TTLL11: variants seen among roughly 807,000 people sequenced by gnomAD.
TTLL11 encodes the protein tubulin tyrosine ligase like 11, also known as tubulin polyglutamylase TTLL11.
A neutral mutation model predicts 51.7 loss-of-function variants in TTLL11; 42 were observed. That is an observed-to-expected ratio of 0.81 (90% confidence interval 0.64 to 1.05). The LOEUF (loss-of-function observed/expected upper bound fraction) is 1.05. TTLL11 is among the 50% of genes least tolerant of loss of function. The probability of loss-of-function intolerance (pLI) is 0.00; values close to 1 mark genes in which losing one functional copy is unlikely to be tolerated. For synonymous variants in TTLL11, 381 were observed against 383.5 expected, an observed-to-expected ratio of 0.99 and a Z score of 0.08; for missense variants, 799 against 940.4, an observed-to-expected ratio of 0.85 and a Z score of 1.97.
chr9:121,974,143 CTG>C lies in TTLL11; in HGVS notation c.1366-21_1366-20del, dbSNP rs2131658412. On this transcript the variant is annotated intron_variant, in intron 5 of 8. Coordinates refer to ENST00000321582, the MANE Select transcript of TTLL11 (RefSeq NM_001139442.2). Reference sequence around the variant, plus strand: ...GAGAAAGCTTGAACGGGTAAGGATTCTGTGTCACAGTGGAGACCGTGATTCCG... The same window carrying C: ...GAGAAAGCTTGAACGGGTAAGGATTCTGTCACAGTGGAGACCGTGATTCCG... 7.8e-6 allele frequency: 12 copies of C among 1,538,134 alleles called. No individual in the cohort carries two copies. Among genetic ancestry groups the C allele is most frequent in the Non-Finnish European group, 1.1e-5 (12 of 1,135,684 alleles).
intron 8 of TTLL11, among the ~76,000 whole-genome samples, chr9:121,831,551 T>G (rs539314485): frequency 6.6e-6 from 1 of 151,978 alleles, no homozygotes; most frequent in South Asian, 2.1e-4. Context: ...ATACAAAAAA[T>G]TAGCCAGACA....
At chr9:121,997,423 C>T (rs573881864) in intron 3 of TTLL11, among the ~76,000 whole-genome samples, 2 of 152,236 alleles carry the variant, frequency 1.3e-5, no homozygotes, top group South Asian at 4.1e-4. Flanking sequence ...ATTCCCCTAC[C>T]ATGTGGGTTC....
intron 4 of TTLL11, among the ~76,000 whole-genome samples, chr9:121,976,320 G>A (rs1167600338): frequency 6.6e-6 from 1 of 152,180 alleles, no homozygotes; most frequent in Non-Finnish European, 1.5e-5. Context: ...AGCCACTCAT[G>A]AGCATCTCGT....
chr9:121,952,161 C>T (rs1841869871), intron 6 of TTLL11, among the ~76,000 whole-genome samples: 1 of 152,128 alleles, frequency 6.6e-6, no homozygotes, highest in African/African-American at 2.4e-5. Flanking sequence ...AAGTGGAGGA[C>T]TAGGGCCGGG....
At chr9:122,019,104 A>C (rs1031585524) in intron 3 of TTLL11, among the ~76,000 whole-genome samples, 1 of 152,182 alleles carries the variant, frequency 6.6e-6, no homozygotes, top group African/African-American at 2.4e-5. Context: ...CAATTCTATC[A>C]GTCTCCAAAT....
chr9:122,001,240 C>G (rs1300460139), intron 3 of TTLL11, among the ~76,000 whole-genome samples: 2 of 152,066 alleles, frequency 1.3e-5, no homozygotes, highest in Non-Finnish European at 2.9e-5. Flanking sequence ...GGATTACAGG[C>G]GTGCACCAAC....
In TTLL11 at chr9:121,820,538, C is replaced by T. The variant is rs115517825; in HGVS notation, c.*2049G>A. Among the ~76,000 whole-genome samples the T allele has an allele frequency of 0.015, 2,216 of 152,276 alleles. 39 individuals are homozygous for T. The highest frequency in any genetic ancestry group is 0.048 in the African/African-American group (1,990 of 41,548). On this transcript the variant is annotated 3_prime_UTR_variant, in exon 9 of 9. Transcript: ENST00000321582. The stretch of plus-strand genomic sequence containing the variant: ...ATGACGGACCCCAGGCAGCCCCGAG[C>T]GGGGTAGCTGCAGGGTCTTTACTTG...
intron 3 of TTLL11, among the ~76,000 whole-genome samples, chr9:122,010,116 C>T (rs1224160990): frequency 6.6e-6 from 1 of 151,988 alleles, no homozygotes; most frequent in Non-Finnish European, 1.5e-5. Flanking sequence ...CTCTGAAGTG[C>T]CTTCTAATGT....
intron 8 of TTLL11, among the ~76,000 whole-genome samples, chr9:121,834,639 C>T (rs1260067807): frequency 1.3e-5 from 2 of 151,976 alleles, no homozygotes; most frequent in Non-Finnish European, 2.9e-5. Flanking sequence ...CCAGTCTGGC[C>T]AACATGGTGA....
intron 4 of TTLL11, among the ~76,000 whole-genome samples, chr9:121,975,481 G>A (rs1244647001): frequency 6.6e-6 from 1 of 152,158 alleles, no homozygotes; most frequent in Non-Finnish European, 1.5e-5. Context: ...GGAGGCCGAG[G>A]CAGGCAGATC....
At chr9:121,894,027 G>T (rs12004388) in intron 6 of TTLL11, among the ~76,000 whole-genome samples, 1 of 152,146 alleles carries the variant, frequency 6.6e-6, no homozygotes, top group African/African-American at 2.4e-5. Flanking sequence ...TGGATTCCAC[G>T]TTTCACCAAA....
chr9:121,980,243 A>T (rs1187532248), intron 4 of TTLL11, among the ~76,000 whole-genome samples: 1 of 152,132 alleles, frequency 6.6e-6, no homozygotes, highest in Non-Finnish European at 1.5e-5. Context: ...ATAAATTCAG[A>T]GAATGAGATT....
intron 6 of TTLL11, among the ~76,000 whole-genome samples, chr9:121,936,927 T>G (rs1042522832): frequency 6.6e-6 from 1 of 152,240 alleles, no homozygotes; most frequent in Non-Finnish European, 1.5e-5. Context: ...TCCCTCCGTA[T>G]GAGACATGCT....
chr9:122,035,677 T>A (rs1240368652), intron 2 of TTLL11, among the ~76,000 whole-genome samples: 1 of 152,226 alleles, frequency 6.6e-6, no homozygotes, highest in Non-Finnish European at 1.5e-5. Context: ...CACTAATTCA[T>A]TCATCTCTTG....
At chr9:121,966,306 T>C (rs1350248537) in intron 6 of TTLL11, among the ~76,000 whole-genome samples, 2 of 152,210 alleles carry the variant, frequency 1.3e-5, no homozygotes, top group African/African-American at 4.8e-5. Context: ...TCCCAGGCAT[T>C]GCGTGGCATC....
chr9:121,886,978 G>T (rs1254418885), intron 6 of TTLL11, among the ~76,000 whole-genome samples: 1 of 152,120 alleles, frequency 6.6e-6, no homozygotes, highest in East Asian at 1.9e-4. Context: ...GGATGAACGG[G>T]CAGCCAGCAG....
intron 6 of TTLL11, among the ~76,000 whole-genome samples, chr9:121,889,453 C>T (rs1839136913): frequency 1.3e-5 from 2 of 152,112 alleles, no homozygotes; most frequent in South Asian, 4.1e-4. Flanking sequence ...TGCTGTGCAG[C>T]CATCATCACC....
chr9:121,905,224 T>A (rs967227347), intron 6 of TTLL11, among the ~76,000 whole-genome samples: 3 of 152,212 alleles, frequency 2.0e-5, no homozygotes, highest in African/African-American at 7.2e-5. Context: ...ATATGTAATC[T>A]CACTATCCAG....
intron 8 of TTLL11, among the ~76,000 whole-genome samples, chr9:121,827,654 G>A (rs1420422836): frequency 6.6e-6 from 1 of 152,204 alleles, no homozygotes; most frequent in African/African-American, 2.4e-5. Flanking sequence ...TGGGCCTCTG[G>A]TCCCACAATG....
Sources: allele counts gnomAD v4.1 joint callset (sites outside exome capture counted in the v4.1 genomes callset), GRCh38; gene constraint gnomAD v4.1.1; transcripts MANE v1.5; gene names NCBI Gene and HGNC (gene_info 2026-07-23, HGNC 2026-07-21).